The following ZNF141 variants were observed in gnomAD, a reference collection of about 807,000 sequenced individuals.
ZNF141 encodes the protein zinc finger protein 141 (clone pHZ-44).
ZNF141 carries 7 observed loss-of-function variants against 11.3 expected under a neutral mutation model. The ratio of observed to expected loss-of-function variants is 0.62; its 90% confidence interval spans 0.35 to 1.16. The LOEUF (loss-of-function observed/expected upper bound fraction) is 1.16. ZNF141 is among the 50% of genes most tolerant of loss of function. The probability of loss-of-function intolerance (pLI) is 0.02; values close to 1 mark genes in which losing one functional copy is unlikely to be tolerated. For synonymous variants in ZNF141, 183 were observed against 190.7 expected (o/e 0.96, Z 0.33); for missense variants, 535 against 554.0 (o/e 0.97, Z 0.34).
chr4:383,690 C>T lies in ZNF141; in HGVS notation c.*9828C>T, dbSNP rs1712765005. 1 of 153,332 alleles carries T rather than the reference C, an allele frequency of 6.5e-6. No individual in the cohort carries two copies. Among genetic ancestry groups the T allele is most frequent in the African/African-American group, 2.4e-5 (1 of 41,468 alleles). 9.5% of individuals were successfully genotyped at this position (153,332 alleles called of 1,614,324 possible). A position where few individuals can be genotyped will look rare whatever the true frequency, so the allele number is the denominator to read the frequency against. On this transcript the variant is annotated 3_prime_UTR_variant, in exon 4 of 4. Coordinates refer to ENST00000240499, the MANE Select transcript of ZNF141 (RefSeq NM_003441.4). ...GATCGAAGGCGACTGTCGCTACAAC[C>T]CTCCCCCTTGTACCAGTTCTCTGAT... is the stretch of plus-strand genomic sequence containing the variant.
intron 1 of ZNF141, among the ~76,000 whole-genome samples, chr4:339,697 T>C (rs1314179885): frequency 6.6e-6 from 1 of 152,264 alleles, no homozygotes; most frequent in Non-Finnish European, 1.5e-5. Context: ...TTTTAATCTG[T>C]TAACTAGGTG....
At chr4:360,264 G>A (rs892273484) in intron 3 of ZNF141, among the ~76,000 whole-genome samples, 16 of 152,052 alleles carry the variant, frequency 1.1e-4, no homozygotes, top group African/African-American at 2.4e-4. Flanking sequence ...CATATGTTCC[G>A]ATATGTTCTA....
At position 381,999 on chromosome 4, in the gene ZNF141, G is replaced by A. The variant is rs192426078; in HGVS notation, c.*8137G>A. On this transcript the variant is annotated 3_prime_UTR_variant, in exon 4 of 4. Transcript: ENST00000240499. ...GTCTCACTCTCGCCCAGGCTGGAGT[G>A]CAGTGGCTCGATCTCGGCTCACTGC... 2.0e-4 allele frequency among the ~76,000 whole-genome samples: 28 copies of A among 142,742 alleles called. No homozygotes were observed. The East Asian group carries it at 5.4e-3, about 27-fold the overall frequency. 93.6% of individuals were successfully genotyped at this position (142,742 alleles called of 152,430 possible). A position where few individuals can be genotyped will look rare whatever the true frequency, so the allele number is the denominator to read the frequency against.
At position 381,400 on chromosome 4, in the gene ZNF141, C is replaced by CTTTTTTTT. The variant is rs34721227; in HGVS notation, c.*7557_*7564dup. On this transcript the variant is annotated 3_prime_UTR_variant, in exon 4 of 4. Transcript: ENST00000240499. Reference sequence around the variant, plus strand: ...CTATTTAATACAGACTTCAAATGTGCTTTTTTTTTTTTTTTTTTTTTTTTT... The same window carrying CTTTTTTTT: ...CTATTTAATACAGACTTCAAATGTGCTTTTTTTTTTTTTTTTTTTTTTTTTTTTTTTTT... Among the ~76,000 whole-genome samples, 85 of 76,946 alleles carry CTTTTTTTT rather than the reference C, an allele frequency of 1.1e-3. 5 individuals are homozygous for CTTTTTTTT. Among genetic ancestry groups the CTTTTTTTT allele is most frequent in the African/African-American group, 4.9e-3 (80 of 16,448 alleles). The allele number at this position is 76,946 out of a possible 152,430, so 50.5% of individuals were successfully genotyped here.
At chr4:342,973 A>G (rs1560179744) in intron 1 of ZNF141, 1 of 1,414,410 alleles carries the variant, frequency 7.1e-7, no homozygotes, top group Admixed American at 1.7e-5. Context: ...CTTATTTTTT[A>G]AAATCAGTTC....
rs77776147 is a variant in ZNF141, at chr4:373,663, A to C, written c.1226A>C (p.Asp409Ala). Residue 409 changes from aspartate to alanine, a missense_variant, in exon 4 of 4, where the codon GAT becomes GCT. Coordinates refer to ENST00000240499, the MANE Select transcript of ZNF141 (RefSeq NM_003441.4). ...ECGKAFRRSTDRSQHKKIHSA... is the reference protein window; with the variant it reads ...ECGKAFRRSTARSQHKKIHSA... The stretch of plus-strand genomic sequence containing the variant: ...GGCAAAGCCTTTAGACGGTCCACAG[A>C]TCGGAGTCAACATAAGAAAATTCAT... The C allele has an allele frequency of 6.2e-7, 1 of 1,614,144 alleles. No homozygotes were observed. The highest frequency in any genetic ancestry group is 8.5e-7 in the Non-Finnish European group (1 of 1,180,016).
At chr4:352,319 G>C (rs150219256) in intron 3 of ZNF141, among the ~76,000 whole-genome samples, 1 of 152,154 alleles carries the variant, frequency 6.6e-6, no homozygotes. Context: ...CCCGGGAGGC[G>C]GAGGCTGCAG....
At chr4:364,971 T>C (rs999369671) in intron 3 of ZNF141, among the ~76,000 whole-genome samples, 1 of 152,372 alleles carries the variant, frequency 6.6e-6, no homozygotes, top group African/African-American at 2.4e-5. Flanking sequence ...CTTGTTGAGA[T>C]GCAGTGGGCT....
intron 3 of ZNF141, among the ~76,000 whole-genome samples, chr4:366,186 G>T (rs1229675236): frequency 6.6e-6 from 1 of 152,166 alleles, no homozygotes; most frequent in Non-Finnish European, 1.5e-5. Flanking sequence ...TTGGTATTTT[G>T]ATAGAGATGG....
At chr4:363,815 T>TTGGCTG (rs1406818659) in intron 3 of ZNF141, among the ~76,000 whole-genome samples, 1 of 151,936 alleles carries the variant, frequency 6.6e-6, no homozygotes, top group African/African-American at 2.4e-5. Context: ...TAGTATGATA[T>TTGGCTG]TGGCTGTGGG....
chr4:377,477 A>G lies in ZNF141; in HGVS notation c.*3615A>G, dbSNP rs1162276553. 6.6e-6 allele frequency among the ~76,000 whole-genome samples: 1 copy of G among 152,130 alleles called. No individual in the cohort carries two copies. Among genetic ancestry groups the G allele is most frequent in the Non-Finnish European group, 1.5e-5 (1 of 68,018 alleles). On this transcript the variant is annotated 3_prime_UTR_variant, in exon 4 of 4. Transcript: ENST00000240499. Reference sequence around the variant, plus strand: ...TTTTCTAATTATCTTCAGTTTTGTGATATCTTTATGATTTATCCCCAGCTA... The same window carrying G: ...TTTTCTAATTATCTTCAGTTTTGTGGTATCTTTATGATTTATCCCCAGCTA...
At chr4:347,743 A>C (rs1391893628) in intron 3 of ZNF141, among the ~76,000 whole-genome samples, 3 of 150,256 alleles carry the variant, frequency 2.0e-5, no homozygotes, top group African/African-American at 7.3e-5. Context: ...TTCTTTGGGA[A>C]AAAAAAAAAA....
At chr4:372,576 A>C in intron 3 of ZNF141, 88 bp from the exon 4 acceptor site, 1 of 1,192,266 alleles carries the variant, frequency 8.4e-7, no homozygotes, top group Admixed American at 2.6e-5. Flanking sequence ...CATCTTACTA[A>C]TGTATTTTGA....
chr4:384,358 C>T lies in ZNF141; in HGVS notation c.*10496C>T, dbSNP rs1553856130. On this transcript the variant is annotated 3_prime_UTR_variant, in exon 4 of 4. Transcript: ENST00000240499. ...GAACCCCTGAGAAAGGAGGCAGAGG[C>T]TGGTTAGGAAGATAGGGAGGGAAGG... 6.6e-6 allele frequency: 1 copy of T among 152,218 alleles called. No individual in the cohort carries two copies. The highest frequency in any genetic ancestry group is 1.5e-5 in the Non-Finnish European group (1 of 68,112). The allele number at this position is 152,218 out of a possible 1,614,324, so 9.4% of individuals were successfully genotyped here.
chr4:338,079 C>A, intron 1 of ZNF141, 93 bp downstream of exon 1: 1 of 1,553,592 alleles, frequency 6.4e-7, no homozygotes, highest in Non-Finnish European at 8.8e-7. Flanking sequence ...AACGGAGTCC[C>A]CGCTGCCGCC....
chr4:346,844 T>C (rs997994729), intron 3 of ZNF141, among the ~76,000 whole-genome samples: 4 of 150,380 alleles, frequency 2.7e-5, no homozygotes, highest in Non-Finnish European at 5.9e-5. Flanking sequence ...TGTGTGTATA[T>C]ATATATGTAT....
chr4:355,664 T>C (rs2108702522), intron 3 of ZNF141, among the ~76,000 whole-genome samples: 1 of 152,346 alleles, frequency 6.6e-6, no homozygotes, highest in East Asian at 1.9e-4. Context: ...TGCAGCATAT[T>C]GTTGATTTTT....
In ZNF141 at chr4:373,132, G is replaced by T; in HGVS notation, c.695G>T (p.Cys232Phe). The change falls in exon 4 of 4, where the codon TGT becomes TTT. Residue 232 changes from cysteine (C) to phenylalanine (F), a missense_variant. Transcript: ENST00000240499. ...GAGAAACCTTTTACTTGTGAAGAATGTGGCAGCATCTTTACCACATCCTCA... is the reference window on the plus strand; with the variant it reads ...GAGAAACCTTTTACTTGTGAAGAATTTGGCAGCATCTTTACCACATCCTCA... ...TGEKPFTCEE[C>F]GSIFTTSSHF... The T allele has an allele frequency of 6.2e-7, 1 of 1,614,006 alleles. No homozygotes were observed. The highest frequency in any genetic ancestry group is 8.5e-7 in the Non-Finnish European group (1 of 1,179,986).
intron 3 of ZNF141, among the ~76,000 whole-genome samples, chr4:345,576 A>G (rs528223773): frequency 8.6e-5 from 13 of 152,034 alleles, no homozygotes; most frequent in African/African-American, 3.1e-4. Context: ...TAAAAATACA[A>G]AATTAGCTGG....
Sources: gnomAD v4.1 joint callset for allele counts (sites outside exome capture counted in the v4.1 genomes callset) on GRCh38, gnomAD v4.1.1 for gene constraint, MANE v1.5 for transcripts, NCBI Gene and HGNC (gene_info 2026-07-23, HGNC 2026-07-21) for gene names.